EVI5: variants seen among roughly 807,000 people sequenced by gnomAD.
EVI5 encodes the protein ecotropic viral integration site 5.
In EVI5, 73 loss-of-function variants were observed where a neutral mutation model predicts 112.0. The observed-to-expected ratio is 0.65, with a 90% CI of 0.54 to 0.79. The LOEUF (loss-of-function observed/expected upper bound fraction) is 0.79. Ranked by LOEUF, EVI5 falls within the 30% of genes least tolerant of loss-of-function variation. The probability of loss-of-function intolerance (pLI) is 0.00; values close to 1 mark genes in which losing one functional copy is unlikely to be tolerated. For missense variants in EVI5, 900 were observed against 968.8 expected (o/e 0.93, Z 0.94); for synonymous variants, 305 against 319.9 (o/e 0.95, Z 0.50).
intron 18 of EVI5, among the ~76,000 whole-genome samples, chr1:92,569,417 A>AT (rs1669969066): frequency 6.6e-6 from 1 of 152,160 alleles, no homozygotes; most frequent in Admixed American, 6.5e-5. Context: ...TGGGAACTAC[A>AT]ATATATAAAG....
chr1:92,552,376 T>C (rs1557770430), intron 19 of EVI5, among the ~76,000 whole-genome samples: 1 of 152,216 alleles, frequency 6.6e-6, no homozygotes, highest in Non-Finnish European at 1.5e-5. Context: ...TGAAATTAAG[T>C]GCTGTGTTAT....
At chr1:92,537,697 A>C (rs1664117689) in intron 19 of EVI5, among the ~76,000 whole-genome samples, 1 of 152,120 alleles carries the variant, frequency 6.6e-6, no homozygotes, top group African/African-American at 2.4e-5. Context: ...TCAGAACAGG[A>C]AATCAGTAAA....
At chr1:92,546,523 C>T (rs567370057) in intron 19 of EVI5, among the ~76,000 whole-genome samples, 1 of 152,002 alleles carries the variant, frequency 6.6e-6, no homozygotes, top group Admixed American at 6.6e-5. Context: ...ATAGTGAAAC[C>T]CCGTCTCTAC....
rs981600843 is a variant in EVI5, at chr1:92,565,237, A to T, written c.2071-1500T>A. On this transcript the variant is annotated intron_variant, in intron 18 of 19. Coordinates refer to ENST00000684568, the MANE Select transcript of EVI5 (RefSeq NM_001350197.2). ...GTAGTCTTTCCACGATATTTTACAC[A>T]TATATAATCAAACACACATGAATAC... 5.9e-5 allele frequency among the ~76,000 whole-genome samples: 9 copies of T among 152,288 alleles called. 1 individual carries two copies. Among genetic ancestry groups the T allele is most frequent in the Admixed American group, 3.9e-4 (6 of 15,294 alleles).
At chr1:92,540,314 G>A (rs931882555) in intron 19 of EVI5, among the ~76,000 whole-genome samples, 1 of 152,112 alleles carries the variant, frequency 6.6e-6, no homozygotes, top group Non-Finnish European at 1.5e-5. Context: ...AGCTGTGTAT[G>A]AGGGTTCCAA....
intron 9 of EVI5, among the ~76,000 whole-genome samples, chr1:92,689,035 A>G (rs1669041418): frequency 6.6e-6 from 1 of 152,230 alleles, no homozygotes; most frequent in Non-Finnish European, 1.5e-5. Flanking sequence ...ACACTGCAGT[A>G]AAAAAGGGAG....
intron 1 of EVI5, among the ~76,000 whole-genome samples, chr1:92,767,895 T>C (rs948642807): frequency 8.6e-5 from 13 of 151,962 alleles, no homozygotes; most frequent in Non-Finnish European, 1.8e-4. Flanking sequence ...GCCTGGCCAA[T>C]GTGGCGAAAC....
At chr1:92,745,716 G>A (rs1206851780) in intron 1 of EVI5, among the ~76,000 whole-genome samples, 1 of 152,142 alleles carries the variant, frequency 6.6e-6, no homozygotes, top group African/African-American at 2.4e-5. Context: ...CCGAGGTGGA[G>A]GATCACTTGA....
At position 92,665,919 on chromosome 1, in the gene EVI5, A is replaced by C. The variant is rs367626748; in HGVS notation, c.1212+20T>G. Reference sequence around the variant, plus strand: ...CACCAGGCATTCAACAGAAGCTTGCATAAGTAGTCACTTACTTACTTTTTC... The same window carrying C: ...CACCAGGCATTCAACAGAAGCTTGCCTAAGTAGTCACTTACTTACTTTTTC... On this transcript the variant is annotated intron_variant, in intron 11 of 19. Coordinates refer to ENST00000684568, the MANE Select transcript of EVI5 (RefSeq NM_001350197.2). The C allele has an allele frequency of 9.7e-6, 15 of 1,546,524 alleles. No homozygotes were observed. Among genetic ancestry groups the C allele is most frequent in the Non-Finnish European group, 1.1e-5 (13 of 1,132,196 alleles).
At chr1:92,605,225 G>A in intron 18 of EVI5, 82 bp downstream of exon 18, 1 of 926,178 alleles carries the variant, frequency 1.1e-6, no homozygotes, top group East Asian at 2.4e-5. Flanking sequence ...CAGTCACGAG[G>A]ATAAAGAGTA....
rs1290022617 is a variant in EVI5, at chr1:92,513,756, C to T, written c.2381G>A (p.Ser794Asn). 1.9e-6 allele frequency: 3 copies of T among 1,613,676 alleles called. No individual in the cohort carries two copies. Among genetic ancestry groups the T allele is most frequent in the African/African-American group, 2.7e-5 (2 of 74,812 alleles). The change falls in exon 20 of 20, where the codon AGC becomes AAC. Residue 794 changes from serine to asparagine, a missense_variant. By Grantham distance (46) the Ser-to-Asn change is conservative. Coordinates refer to ENST00000684568, the MANE Select transcript of EVI5 (RefSeq NM_001350197.2). The part of the protein sequence containing the change: ...LDPAVADGSE[S>N]ETEDSVLETR... ...CTCCAGCACACTGTCTTCTGTTTCG[C>T]TCTCACTACCATCTGCCACTGCGGG...
At position 92,741,581 on chromosome 1, in the gene EVI5, GA is replaced by G. The variant is rs537469369; in HGVS notation, c.-81-4955del. On this transcript the variant is annotated intron_variant, in intron 1 of 19. Coordinates refer to ENST00000684568, the MANE Select transcript of EVI5 (RefSeq NM_001350197.2). ...ACTTCATTTGATTTTATTTTAAAAA[GA>G]AAAAAAAACTGGTACAATTCAGAAA... Among the ~76,000 whole-genome samples, 112 of 151,042 alleles carry G rather than the reference GA, an allele frequency of 7.4e-4. 1 individual carries two copies. Among genetic ancestry groups the G allele is most frequent in the African/African-American group, 2.6e-3 (107 of 41,256 alleles).
At chr1:92,756,498 T>C in intron 1 of EVI5, 1 of 536,828 alleles carries the variant, frequency 1.9e-6, no homozygotes, top group Non-Finnish European at 3.8e-6. Flanking sequence ...CATTACATCA[T>C]CTTACTGCTT....
intron 13 of EVI5, among the ~76,000 whole-genome samples, chr1:92,648,900 C>G (rs897206459): frequency 6.6e-6 from 1 of 152,162 alleles, no homozygotes; most frequent in African/African-American, 2.4e-5. Flanking sequence ...AGTTGAATAG[C>G]AGGGTACCAT....
chr1:92,776,808 T>G (rs1025774524), intron 1 of EVI5, among the ~76,000 whole-genome samples: 8 of 150,602 alleles, frequency 5.3e-5, no homozygotes, highest in Non-Finnish European at 1.0e-4. Flanking sequence ...GCTAACTTTT[T>G]TTTTTTTTTT....
chr1:92,594,008 T>C (rs1215892538), intron 18 of EVI5, among the ~76,000 whole-genome samples: 3 of 152,214 alleles, frequency 2.0e-5, no homozygotes, highest in African/African-American at 4.8e-5. Flanking sequence ...AGGTAATTTA[T>C]AGATTCAATG....
chr1:92,690,664 T>C (rs544495580), intron 9 of EVI5, among the ~76,000 whole-genome samples: 139 of 152,206 alleles, frequency 9.1e-4, no homozygotes, highest in African/African-American at 3.2e-3. Flanking sequence ...ATAATAACTT[T>C]TGAGCAGACT....
intron 14 of EVI5, among the ~76,000 whole-genome samples, chr1:92,630,433 T>G (rs2101838430): frequency 1.3e-5 from 2 of 152,346 alleles, no homozygotes; most frequent in East Asian, 3.9e-4. Flanking sequence ...GATGAGCATT[T>G]TTTCATGTGT....
intron 11 of EVI5, 65 bp downstream of exon 11, chr1:92,665,874 T>A: frequency 1.7e-6 from 2 of 1,169,260 alleles, no homozygotes; most frequent in South Asian, 1.4e-5. Flanking sequence ...TGAGGATTTT[T>A]AATAAATATA....
Sources: gnomAD v4.1 joint callset for allele counts (sites outside exome capture counted in the v4.1 genomes callset) on GRCh38, gnomAD v4.1.1 for gene constraint, MANE v1.5 for transcripts, NCBI Gene and HGNC (gene_info 2026-07-23, HGNC 2026-07-21) for gene names.